Variants in EYS observed in about 807,000 individuals in gnomAD.
EYS encodes protein eyes shut homolog.
A neutral mutation model predicts 282.1 loss-of-function variants in EYS; 250 were observed. That is an observed-to-expected ratio of 0.89 (90% CI 0.80 to 0.98). EYS has a LOEUF of 0.98. Ranked by LOEUF, EYS falls within the 50% of genes least tolerant of loss-of-function variation. EYS has a pLI of 0.00. For missense variants in EYS, 4,016 were observed against 3,709.0 expected, an observed-to-expected ratio of 1.08 and a Z score of -2.15; for synonymous variants, 1,355 against 1,282.9, an observed-to-expected ratio of 1.06 and a Z score of -1.20.
chr6:65,438,550 T>A (rs1186291874), intron 5 of EYS, among the ~76,000 whole-genome samples: 1 of 152,186 alleles, frequency 6.6e-6, no homozygotes, highest in East Asian at 1.9e-4. Flanking sequence ...ATCGCCATTC[T>A]AACTGGTGTG....
chr6:64,901,061 TAA>T (rs1767644055), intron 18 of EYS, among the ~76,000 whole-genome samples: 1 of 151,110 alleles, frequency 6.6e-6, no homozygotes, highest in Admixed American at 6.6e-5. Flanking sequence ...CTATGAGCTA[TAA>T]AAAAGAATGA....
intron 26 of EYS, among the ~76,000 whole-genome samples, chr6:64,447,940 T>C (rs1299288382): frequency 6.6e-6 from 1 of 152,188 alleles, no homozygotes; most frequent in African/African-American, 2.4e-5. Context: ...GGATAGAAAG[T>C]AACTTTCTAA....
chr6:64,240,237 GCT>G (rs1382066437), intron 30 of EYS, among the ~76,000 whole-genome samples: 2 of 152,146 alleles, frequency 1.3e-5, no homozygotes, highest in African/African-American at 2.4e-5. Context: ...GGCTATGCGT[GCT>G]CTTTTTTGGT....
intron 21 of EYS, among the ~76,000 whole-genome samples, chr6:64,814,405 A>G (rs137888946): frequency 6.6e-6 from 1 of 152,160 alleles, no homozygotes; most frequent in Non-Finnish European, 1.5e-5. Flanking sequence ...ACTGTGTCTT[A>G]AACGTCATAT....
chr6:64,111,245 T>C (rs1052275503), intron 31 of EYS, among the ~76,000 whole-genome samples: 1 of 152,040 alleles, frequency 6.6e-6, no homozygotes, highest in African/African-American at 2.4e-5. Context: ...CTCTGTCATA[T>C]GTTTATGTCT....
intron 2 of EYS, among the ~76,000 whole-genome samples, chr6:65,522,052 C>T (rs546052422): frequency 2.0e-5 from 3 of 152,150 alleles, no homozygotes; most frequent in South Asian, 2.1e-4. Context: ...ACATTTATTA[C>T]AATTCTATCA....
At position 64,486,005 on chromosome 6, in the gene EYS, A is replaced by G. The variant is rs148866139; in HGVS notation, c.5645-46653T>C. 1.6e-4 allele frequency among the ~76,000 whole-genome samples: 25 copies of G among 151,644 alleles called. No homozygotes were observed. The East Asian group carries it at 4.9e-3, about 29-fold the overall frequency. On this transcript the variant is annotated intron_variant, in intron 26 of 42. Transcript: ENST00000503581. ...ACAAAGGAAATTATATGCTGGTTTT[A>G]AAGAAGTAATAGCTATTTAAAAAGT...
chr6:64,996,860 T>C (rs1771280897), intron 14 of EYS, among the ~76,000 whole-genome samples: 1 of 152,226 alleles, frequency 6.6e-6, no homozygotes, highest in Non-Finnish European at 1.5e-5. Flanking sequence ...AGTATAGTCT[T>C]CTTGCAAATA....
chr6:63,957,944 A>C (rs923640566), intron 35 of EYS, among the ~76,000 whole-genome samples: 1 of 141,028 alleles, frequency 7.1e-6, no homozygotes, highest in Non-Finnish European at 1.6e-5. Flanking sequence ...CAACTTACTG[A>C]GAGGCATAAA....
chr6:64,593,783 A>G (rs1766483131), intron 24 of EYS, among the ~76,000 whole-genome samples: 1 of 152,160 alleles, frequency 6.6e-6, no homozygotes, highest in African/African-American at 2.4e-5. Flanking sequence ...ATTGGCTTGC[A>G]GTAGGAATGA....
Position 64,419,438 on chromosome 6 carries a change from A to T in EYS, c.5927+16736T>A, listed in dbSNP as rs150089627. Among the ~76,000 whole-genome samples the T allele has an allele frequency of 8.6e-3, 1,314 of 152,260 alleles. 26 individuals are homozygous for T. The highest frequency in any genetic ancestry group is 0.029 in the African/African-American group (1,204 of 41,554). On this transcript the variant is annotated intron_variant, in intron 28 of 42. Coordinates refer to ENST00000503581, the MANE Select transcript of EYS (RefSeq NM_001142800.2). ...TTCAAAACTCAATTATGCCTTTCCAACAGTCCCTCAAAGTCTTAGCTCATT... is the reference window on the plus strand; with the variant it reads ...TTCAAAACTCAATTATGCCTTTCCATCAGTCCCTCAAAGTCTTAGCTCATT...
rs1382734992 is a variant in EYS, at chr6:63,720,852, A to T, written c.9179T>A (p.Ile3060Lys). Residue 3060 changes from isoleucine to lysine, a missense_variant, in exon 43 of 43, where the codon ATA becomes AAA. Ile to Lys is a moderately radical substitution (Grantham distance 102). Coordinates refer to ENST00000503581, the MANE Select transcript of EYS (RefSeq NM_001142800.2). Reference protein sequence around the residue: ...IQNQTLIKAYINNSLILSEDI... With the variant: ...IQNQTLIKAYKNNSLILSEDI... ...CTCGGAAAGAATTAGACTGTTATTTATGTAGGCCTTGATAAGAGTCTGATT... is the reference window on the plus strand; with the variant it reads ...CTCGGAAAGAATTAGACTGTTATTTTTGTAGGCCTTGATAAGAGTCTGATT... 2 of 1,551,144 alleles carry T rather than the reference A, an allele frequency of 1.3e-6. No individual in the cohort carries two copies. The highest frequency in any genetic ancestry group is 8.7e-7 in the Non-Finnish European group (1 of 1,146,686).
Position 65,144,144 on chromosome 6 carries a change from C to G in EYS, c.2024-86417G>C, listed in dbSNP as rs574291758. Among the ~76,000 whole-genome samples the G allele has an allele frequency of 2.0e-4, 30 of 152,192 alleles. No homozygotes were observed. In the South Asian group the frequency reaches 6.2e-3, roughly 32 times the overall value. ...GTCATGGAGGAATATAACCTGAGCACTTCAGAGCTTCAGATTTTCAAGAGA... is the reference window on the plus strand; with the variant it reads ...GTCATGGAGGAATATAACCTGAGCAGTTCAGAGCTTCAGATTTTCAAGAGA... On this transcript the variant is annotated intron_variant, in intron 12 of 42. Coordinates refer to ENST00000503581, the MANE Select transcript of EYS (RefSeq NM_001142800.2).
At chr6:64,756,240 T>C (rs1291937601) in intron 22 of EYS, among the ~76,000 whole-genome samples, 2 of 152,218 alleles carry the variant, frequency 1.3e-5, no homozygotes. Flanking sequence ...TTGGATTTTA[T>C]ATTTACTTTA....
In EYS at chr6:63,792,674, C is replaced by G. The variant is rs1054706375; in HGVS notation, c.7412-3450G>C. 1.2e-4 allele frequency among the ~76,000 whole-genome samples: 18 copies of G among 151,626 alleles called. 1 individual carries two copies. Among genetic ancestry groups the G allele is most frequent in the Admixed American group, 1.1e-3 (17 of 15,234 alleles). ...GCATGAGAATCTTTGAAGCTAGATCCTAGAAATATTTTTTAACAGAATCCC... is the reference window on the plus strand; with the variant it reads ...GCATGAGAATCTTTGAAGCTAGATCGTAGAAATATTTTTTAACAGAATCCC... On this transcript the variant is annotated intron_variant, in intron 37 of 42. Coordinates refer to ENST00000503581, the MANE Select transcript of EYS (RefSeq NM_001142800.2).
At chr6:65,263,840 T>C (rs1767681575) in intron 12 of EYS, among the ~76,000 whole-genome samples, 1 of 151,642 alleles carries the variant, frequency 6.6e-6, no homozygotes, top group Non-Finnish European at 1.5e-5. Context: ...GTTCAAAACT[T>C]TAAGGTGCTA....
chr6:63,765,380 G>GGAAGGCTAAGA (rs1416118155), intron 40 of EYS, among the ~76,000 whole-genome samples: 1 of 151,902 alleles, frequency 6.6e-6, no homozygotes, highest in African/African-American at 2.4e-5. Flanking sequence ...AATTACTTAG[G>GGAAGGCTAAGA]GAAGGCTTAG....
chr6:65,403,403 C>T (rs1361170267), intron 6 of EYS, among the ~76,000 whole-genome samples: 2 of 151,368 alleles, frequency 1.3e-5, no homozygotes, highest in Non-Finnish European at 2.9e-5. Context: ...CTTTGTTATC[C>T]TTATCATCAT....
chr6:64,800,580 T>TA (rs1287193683), intron 22 of EYS, among the ~76,000 whole-genome samples: 5 of 141,324 alleles, frequency 3.5e-5, no homozygotes, highest in African/African-American at 1.3e-4. Context: ...TTTTTTTTTT[T>TA]AAAGTTTAGT....
Sources: allele counts gnomAD v4.1 joint callset (sites outside exome capture counted in the v4.1 genomes callset), GRCh38; gene constraint gnomAD v4.1.1; transcripts MANE v1.5; gene names NCBI Gene and HGNC (gene_info 2026-07-23, HGNC 2026-07-21).